Variants in PDE7A observed in about 807,000 individuals in gnomAD.
PDE7A encodes high affinity 3',5'-cyclic-AMP phosphodiesterase 7A.
Under a neutral mutation model 64.3 loss-of-function variants are expected in PDE7A, and 39 were observed. The ratio of observed to expected loss-of-function variants is 0.61; its 90% CI spans 0.47 to 0.79. PDE7A has a LOEUF of 0.79. Among genes scored for constraint, PDE7A ranks in the 30% least tolerant of loss-of-function variants. The pLI is 0.00. For missense variants in PDE7A, 470 were observed against 582.8 expected (o/e 0.81, Z 1.99); for synonymous variants, 203 against 206.8 (o/e 0.98, Z 0.16).
intron 12 of PDE7A, among the ~76,000 whole-genome samples, chr8:65,720,963 C>T (rs1175605736): frequency 1.3e-5 from 2 of 152,220 alleles, no homozygotes; most frequent in Admixed American, 1.3e-4. Context: ...TTTCATCCCT[C>T]TCACTGTTCC....
intron 12 of PDE7A, among the ~76,000 whole-genome samples, chr8:65,721,585 C>G (rs1166098709): frequency 1.3e-5 from 2 of 152,112 alleles, no homozygotes; most frequent in Admixed American, 6.6e-5. Flanking sequence ...CATTCTAGAT[C>G]TGTACAACAC....
chr8:65,823,694 CATTA>C (rs1405576153), intron 1 of PDE7A, among the ~76,000 whole-genome samples: 1 of 152,120 alleles, frequency 6.6e-6, no homozygotes, highest in Admixed American at 6.5e-5. Flanking sequence ...GATAACTAGT[CATTA>C]ATTACTGACA....
chr8:65,729,363 GCTTTTT>G (rs1228436297), intron 7 of PDE7A, among the ~76,000 whole-genome samples: 4 of 85,830 alleles, frequency 4.7e-5, no homozygotes, highest in African/African-American at 1.8e-4. Flanking sequence ...GTTGGTGGTA[GCTTTTT>G]TTTTTTTTTT....
intron 7 of PDE7A, 77 bp from the exon 8 acceptor site, chr8:65,727,378 A>G (rs997633086): frequency 6.4e-7 from 1 of 1,573,234 alleles, no homozygotes; most frequent in African/African-American, 1.4e-5. Flanking sequence ...GTTTTGAATT[A>G]GCAGCCAATG....
chr8:65,836,643 A>C (rs1810958565), intron 1 of PDE7A, among the ~76,000 whole-genome samples: 1 of 152,212 alleles, frequency 6.6e-6, no homozygotes, highest in Non-Finnish European at 1.5e-5. Flanking sequence ...CATTCAGAGA[A>C]TGTGTTGCTC....
chr8:65,719,518 T>C (rs761499875), intron 12 of PDE7A, 23 bp from the exon 13 acceptor site: 2 of 1,467,520 alleles, frequency 1.4e-6, no homozygotes, highest in South Asian at 1.1e-5. Flanking sequence ...GGAGAAAAAG[T>C]TATTAACATA....
chr8:65,835,033 T>C (rs969381936), intron 1 of PDE7A, among the ~76,000 whole-genome samples: 1 of 151,330 alleles, frequency 6.6e-6, no homozygotes, highest in Non-Finnish European at 1.5e-5. Context: ...AAAGCATGTT[T>C]GGCAACAATA....
intron 1 of PDE7A, among the ~76,000 whole-genome samples, chr8:65,804,477 C>T (rs1029880806): frequency 1.3e-5 from 2 of 150,826 alleles, no homozygotes; most frequent in African/African-American, 4.9e-5. Context: ...TCAAGATTTA[C>T]TGGAGAAGCT....
intron 1 of PDE7A, among the ~76,000 whole-genome samples, chr8:65,803,658 G>A (rs764134366): frequency 3.3e-5 from 5 of 151,996 alleles, no homozygotes; most frequent in Non-Finnish European, 5.9e-5. Context: ...TTTTCTTCTG[G>A]TATCCACTGA....
intron 1 of PDE7A, among the ~76,000 whole-genome samples, chr8:65,798,206 A>ATATATATATAT: frequency 1.9e-4 from 14 of 73,802 alleles, no homozygotes; most frequent in East Asian, 1.8e-3. Context: ...ATATATATAT[A>ATATATATATAT]TTTTTTTTTT....
intron 4 of PDE7A, among the ~76,000 whole-genome samples, chr8:65,746,379 T>A (rs1585862424): frequency 6.6e-6 from 1 of 152,324 alleles, no homozygotes; most frequent in East Asian, 1.9e-4. Flanking sequence ...TACCACACCA[T>A]GCTTAAATTA....
intron 1 of PDE7A, among the ~76,000 whole-genome samples, chr8:65,785,280 A>T (rs1809520524): frequency 6.6e-6 from 1 of 152,180 alleles, no homozygotes; most frequent in Non-Finnish European, 1.5e-5. Flanking sequence ...TTCAATGTTT[A>T]TCTTTGCACT....
rs1806481051 is a variant in PDE7A, at chr8:65,723,557, A to G, written c.1227T>C (p.Ile409=). 6.3e-7 allele frequency: 1 copy of G among 1,580,428 alleles called. No homozygotes were observed. Among genetic ancestry groups the G allele is most frequent in the Non-Finnish European group, 8.6e-7 (1 of 1,165,186 alleles). The stretch of plus-strand genomic sequence containing the variant: ...TATAGTTACCAATCTGGATGTTGGC[A>G]ATAGATTCAGTGTGACGATCGCAAA... ...SPLCDRHTES[I]ANIQIGFMTY... The change falls in exon 12 of 13, where the codon ATT becomes ATC. Residue 409 remains isoleucine (I), a synonymous_variant. Transcript: ENST00000401827.
At chr8:65,787,802 A>G (rs1033466078) in intron 1 of PDE7A, among the ~76,000 whole-genome samples, 1 of 151,932 alleles carries the variant, frequency 6.6e-6, no homozygotes, top group East Asian at 1.9e-4. Context: ...AAAAAAAAGT[A>G]AAGTCTCTGA....
chr8:65,796,124 A>G (rs942085139), intron 1 of PDE7A, among the ~76,000 whole-genome samples: 5 of 150,548 alleles, frequency 3.3e-5, no homozygotes, highest in Non-Finnish European at 1.5e-5. Flanking sequence ...TAAATAAATA[A>G]ATAAAAACTA....
intron 3 of PDE7A, among the ~76,000 whole-genome samples, chr8:65,768,342 T>G (rs1808903513): frequency 6.6e-6 from 1 of 152,082 alleles, no homozygotes; most frequent in South Asian, 2.1e-4. Flanking sequence ...ACAATTCCCA[T>G]GTGTTGTGGG....
At chr8:65,779,691 C>A in intron 3 of PDE7A, 29 bp downstream of exon 3, 2 of 1,149,714 alleles carry the variant, frequency 1.7e-6, no homozygotes, top group Non-Finnish European at 2.5e-6. Flanking sequence ...AGTGAAAATC[C>A]GAGAAACTTC....
intron 3 of PDE7A, among the ~76,000 whole-genome samples, chr8:65,773,201 T>C (rs777843800): frequency 2.6e-5 from 4 of 152,132 alleles, no homozygotes; most frequent in Non-Finnish European, 5.9e-5. Context: ...TAGATTACAA[T>C]TTCAAAAAGA....
In PDE7A at chr8:65,723,656, G is replaced by T. The variant is rs1233936507; in HGVS notation, c.1163-35C>A. The T allele has an allele frequency of 2.9e-6, 4 of 1,394,660 alleles. No individual in the cohort carries two copies. The South Asian group carries it at 4.2e-5, about 15-fold the overall frequency. The allele number at this position is 1,394,660 out of a possible 1,614,324, so 86.4% of individuals were successfully genotyped here. A position where few individuals can be genotyped will look rare whatever the true frequency, so the allele number is the denominator to read the frequency against. Reference sequence around the variant, plus strand: ...AAAAAAAGAGAAGTATTAATATGAAGAATATCTATTGGTTAAATATATAAT... The same window carrying T: ...AAAAAAAGAGAAGTATTAATATGAATAATATCTATTGGTTAAATATATAAT... On this transcript the variant is annotated intron_variant, in intron 11 of 12. Coordinates refer to ENST00000401827, the MANE Select transcript of PDE7A (RefSeq NM_001242318.3).
Sources: gnomAD v4.1 joint callset for allele counts (sites outside exome capture counted in the v4.1 genomes callset) on GRCh38, gnomAD v4.1.1 for gene constraint, MANE v1.5 for transcripts, NCBI Gene and HGNC (gene_info 2026-07-23, HGNC 2026-07-21) for gene names.